FBXO34: variants seen among roughly 807,000 people sequenced by gnomAD.
FBXO34 encodes F-box protein 34, also known as F-box only protein 34.
In FBXO34, 12 loss-of-function variants were observed where a neutral mutation model predicts 24.5. The observed-to-expected ratio is 0.49, with a 90% CI of 0.31 to 0.79. The LOEUF (loss-of-function observed/expected upper bound fraction) is 0.79. Among genes scored for constraint, FBXO34 ranks in the 30% least tolerant of loss-of-function variants. The pLI, the probability that FBXO34 is intolerant of heterozygous loss-of-function variation, is 0.04. For missense variants in FBXO34, 823 were observed against 857.7 expected, an observed-to-expected ratio of 0.96 and a Z score of 0.51; for synonymous variants, 320 against 311.9, an observed-to-expected ratio of 1.03 and a Z score of -0.27.
chr14:55,373,295 A>G (rs1286302499), downstream of FBXO34, among the ~76,000 whole-genome samples: 1 of 152,156 alleles, frequency 6.6e-6, no homozygotes, highest in Non-Finnish European at 1.5e-5. Flanking sequence ...AAGGCAACAA[A>G]AGGATCTTTC....
downstream of FBXO34, among the ~76,000 whole-genome samples, chr14:55,373,700 C>T (rs1375410912): frequency 6.6e-6 from 1 of 152,048 alleles, no homozygotes; most frequent in Non-Finnish European, 1.5e-5. Flanking sequence ...CTCAAGTGAT[C>T]CGCCCACCTC....
chr14:55,369,957 T>C, downstream of FBXO34: 2 of 1,545,230 alleles, frequency 1.3e-6, no homozygotes, highest in Middle Eastern at 1.7e-4. Context: ...CTCTTTAGGA[T>C]AACAACCATT....
the FBXO34 span, chr14:55,440,591 T>A: frequency 6.5e-7 from 1 of 1,536,634 alleles, no homozygotes; most frequent in South Asian, 1.3e-5. Context: ...CGGCCCAGGT[T>A]CCTGCAGAGG....
chr14:55,323,347 G>A (rs901192081), intron 1 of FBXO34, among the ~76,000 whole-genome samples: 5 of 143,750 alleles, frequency 3.5e-5, no homozygotes, highest in African/African-American at 1.3e-4. Context: ...GATTATATGC[G>A]TGAGCCACCC....
intron 1 of FBXO34, chr14:55,282,464 T>G (rs1881586187): frequency 4.2e-6 from 1 of 240,406 alleles, no homozygotes; most frequent in South Asian, 5.8e-5. Context: ...ATAAGAACTT[T>G]AAATCTCACG....
chr14:55,346,772 G>C (rs1187525161), intron 1 of FBXO34, among the ~76,000 whole-genome samples: 1 of 152,098 alleles, frequency 6.6e-6, no homozygotes. Flanking sequence ...GAAATTAAGA[G>C]AAAAAAGGCC....
chr14:55,298,790 C>G (rs1023846788), intron 1 of FBXO34: 1 of 1,606,624 alleles, frequency 6.2e-7, no homozygotes. Flanking sequence ...GCACCAAAAA[C>G]AAGCCCGCGG....
chr14:55,322,268 C>T (rs1361459408), intron 1 of FBXO34, among the ~76,000 whole-genome samples: 5 of 150,902 alleles, frequency 3.3e-5, no homozygotes, highest in South Asian at 2.1e-4. Flanking sequence ...CGAGATCACG[C>T]CACTGCACTC....
rs755531600 is a variant in FBXO34 at position 55,350,983 on chromosome 14, G to A, written c.593G>A (p.Gly198Glu). 6.2e-7 allele frequency: 1 copy of A among 1,614,202 alleles called. No individual in the cohort carries two copies. The highest frequency in any genetic ancestry group is 1.7e-5 in the Admixed American group (1 of 60,032). ...SVHYVSDSGD[G>E]VYAGRPLSVI... Reference sequence around the variant, plus strand: ...CACTATGTGAGTGACAGTGGGGATGGAGTCTATGCTGGGAGGCCTCTGTCA... The same window carrying A: ...CACTATGTGAGTGACAGTGGGGATGAAGTCTATGCTGGGAGGCCTCTGTCA... Residue 198 changes from glycine (G) to glutamate (E), a missense_variant, in exon 2 of 2, where the codon GGA becomes GAA. Around this residue, in one of 2 missense-constraint regions of FBXO34, gnomAD observed 693 missense variants for 659.1 expected, o/e 1.05. Coordinates refer to ENST00000313833, the MANE Select transcript of FBXO34 (RefSeq NM_017943.4).
At position 55,351,087 on chromosome 14, in the gene FBXO34, C is replaced by T. The variant is rs764067393; in HGVS notation, c.697C>T (p.Pro233Ser). 20 of 1,614,094 alleles carry T rather than the reference C, an allele frequency of 1.2e-5. No homozygotes were observed. Among genetic ancestry groups the T allele is most frequent in the African/African-American group, 2.7e-5 (2 of 74,928 alleles). Residue 233 changes from proline to serine, a missense_variant, in exon 2 of 2, where the codon CCT (proline) becomes TCT (serine). By Grantham distance (74) the Pro-to-Ser change is moderately conservative. Around this residue, in one of 2 missense-constraint regions of FBXO34, gnomAD observed 693 missense variants for 659.1 expected, o/e 1.05. Transcript: ENST00000313833. ...ASCSKNCTNS[P>S]AIVRFSGQSR... ...CTGTTCAAAAAACTGCACAAACTCACCTGCAATTGTGAGGTTTTCTGGCCA... is the reference window on the plus strand; with the variant it reads ...CTGTTCAAAAAACTGCACAAACTCATCTGCAATTGTGAGGTTTTCTGGCCA...
chr14:55,414,351 G>C, the FBXO34 span: 6 of 1,541,238 alleles, frequency 3.9e-6, no homozygotes, highest in Non-Finnish European at 5.3e-6. Flanking sequence ...ATTCAAACCA[G>C]AATAATGTGA....
chr14:55,408,264 G>A, the FBXO34 span, among the ~76,000 whole-genome samples: 3 of 151,944 alleles, frequency 2.0e-5, no homozygotes, highest in Non-Finnish European at 4.4e-5. Flanking sequence ...ACCAGCCTGG[G>A]CAACATGGCA....
chr14:55,422,970 T>C, the FBXO34 span, among the ~76,000 whole-genome samples: 1 of 151,880 alleles, frequency 6.6e-6, no homozygotes, highest in East Asian at 1.9e-4. Context: ...TATGCAAAAA[T>C]TATTTAAAAA....
At chr14:55,411,839 A>T in the FBXO34 span, 2 of 1,568,520 alleles carry the variant, frequency 1.3e-6, no homozygotes, top group African/African-American at 2.7e-5. Flanking sequence ...CTGAGAGGAG[A>T]GCCAGTCACG....
At chr14:55,353,958 A>G (rs535670227), downstream of FBXO34, among the ~76,000 whole-genome samples, 3 of 152,314 alleles carry the variant, frequency 2.0e-5, no homozygotes, top group South Asian at 2.1e-4. Context: ...GTTGGACCCC[A>G]GAAAGCTGCT....
chr14:55,350,374 C>G lies in FBXO34; in HGVS notation c.-10-7C>G, dbSNP rs1471621939. 6.7e-7 allele frequency: 1 copy of G among 1,495,546 alleles called. No individual in the cohort carries two copies. The highest frequency in any genetic ancestry group is 1.4e-5 in the South Asian group (1 of 69,082). 92.6% of individuals were successfully genotyped at this position (1,495,546 alleles called of 1,614,324 possible). ...TTCTGAATCAAATGTGTATTTCTTT[C>G]CTATAGGGGCTTTGTTATGCACCTA... On this transcript the variant is annotated splice_polypyrimidine_tract_variant and splice_region_variant and intron_variant, in intron 1 of 1. Transcript: ENST00000313833.
chr14:55,363,629 C>A (rs570598665), downstream of FBXO34, among the ~76,000 whole-genome samples: 3 of 152,042 alleles, frequency 2.0e-5, no homozygotes, highest in South Asian at 6.2e-4. Context: ...ACGCCCAGCC[C>A]ACAAGACTCT....
intron 1 of FBXO34, among the ~76,000 whole-genome samples, chr14:55,280,074 A>C (rs1344436630): frequency 6.6e-6 from 1 of 152,208 alleles, no homozygotes; most frequent in Non-Finnish European, 1.5e-5. Context: ...AAAAATATTG[A>C]AACTTCTGTT....
chr14:55,439,198 C>G, the FBXO34 span, among the ~76,000 whole-genome samples: 1 of 150,386 alleles, frequency 6.6e-6, no homozygotes, highest in Non-Finnish European at 1.5e-5. Context: ...CTCGGCCTCC[C>G]AAAGTGCTGG....
Sources: allele counts gnomAD v4.1 joint callset (sites outside exome capture counted in the v4.1 genomes callset), GRCh38; gene constraint gnomAD v4.1.1; regional missense constraint gnomAD v4.1.1; transcripts MANE v1.5; gene names NCBI Gene and HGNC (gene_info 2026-07-23, HGNC 2026-07-21).